Variants in LTBP1 observed in about 807,000 individuals in gnomAD.
LTBP1 encodes the protein latent transforming growth factor beta binding protein 1.
In LTBP1, 129 loss-of-function variants were observed where a neutral mutation model predicts 207.6. The ratio of observed to expected loss-of-function variants is 0.62; its 90% CI spans 0.54 to 0.72. The LOEUF is 0.72. Among genes scored for constraint, LTBP1 ranks in the 30% least tolerant of loss-of-function variants. The probability of loss-of-function intolerance (pLI) is 0.00; values close to 1 mark genes in which losing one functional copy is unlikely to be tolerated. For missense variants in LTBP1, 2,281 were observed against 2,217.2 expected (o/e 1.03, Z -0.58); for synonymous variants, 963 against 833.7 (o/e 1.16, Z -2.67).
intron 7 of LTBP1, among the ~76,000 whole-genome samples, chr2:33,192,559 G>A (rs980345030): frequency 6.6e-6 from 1 of 151,818 alleles, no homozygotes. Flanking sequence ...AAAGTGAGAT[G>A]ATGTTTGTAG....
chr2:33,038,676 G>A (rs548161325), intron 3 of LTBP1, among the ~76,000 whole-genome samples: 1 of 152,148 alleles, frequency 6.6e-6, no homozygotes, highest in African/African-American at 2.4e-5. Context: ...TAAAGAGTTC[G>A]AGTTCTGAGA....
intron 3 of LTBP1, among the ~76,000 whole-genome samples, chr2:33,089,215 A>C (rs1016939836): frequency 3.3e-5 from 5 of 152,042 alleles, no homozygotes; most frequent in Admixed American, 6.5e-5. Flanking sequence ...TGTATGACAA[A>C]GTGGGAAAAG....
At chr2:33,341,012 A>G (rs950022562) in intron 24 of LTBP1, among the ~76,000 whole-genome samples, 7 of 152,246 alleles carry the variant, frequency 4.6e-5, no homozygotes, top group African/African-American at 1.7e-4. Context: ...TTGTTGTCTG[A>G]TTTCATTATT....
intron 24 of LTBP1, among the ~76,000 whole-genome samples, chr2:33,334,934 C>T (rs1037873157): frequency 6.8e-6 from 1 of 147,062 alleles, no homozygotes; most frequent in Admixed American, 6.7e-5. Flanking sequence ...AAAAAAAATG[C>T]CAGGCATGGC....
intron 2 of LTBP1, among the ~76,000 whole-genome samples, chr2:32,989,021 C>G (rs1324427669): frequency 2.6e-5 from 4 of 151,994 alleles, no homozygotes; most frequent in African/African-American, 9.7e-5. Context: ...CATTTTGGAC[C>G]AAGATTCAGA....
At chr2:33,344,375 T>C (rs1470586910) in intron 25 of LTBP1, among the ~76,000 whole-genome samples, 1 of 152,228 alleles carries the variant, frequency 6.6e-6, no homozygotes, top group Non-Finnish European at 1.5e-5. Flanking sequence ...GGTCTTGTGA[T>C]GTGGCCCCTA....
intron 5 of LTBP1, among the ~76,000 whole-genome samples, chr2:33,149,801 C>G (rs1259501250): frequency 6.6e-6 from 1 of 152,182 alleles, no homozygotes; most frequent in Non-Finnish European, 1.5e-5. Flanking sequence ...ACCATTGCTA[C>G]TGTGGATGCT....
intron 3 of LTBP1, among the ~76,000 whole-genome samples, chr2:33,049,956 C>T (rs985577433): frequency 3.9e-5 from 6 of 151,918 alleles, no homozygotes; most frequent in African/African-American, 1.2e-4. Context: ...ATCCTCCCAC[C>T]TCATCCTCCT....
intron 24 of LTBP1, among the ~76,000 whole-genome samples, chr2:33,319,196 G>A (rs1295953354): frequency 2.0e-5 from 3 of 152,080 alleles, no homozygotes; most frequent in Non-Finnish European, 4.4e-5. Flanking sequence ...TCAGGAGTTC[G>A]AGACCAGCCT....
intron 26 of LTBP1, among the ~76,000 whole-genome samples, chr2:33,348,439 C>T (rs1045204331): frequency 1.3e-5 from 2 of 152,096 alleles, no homozygotes; most frequent in African/African-American, 4.8e-5. Context: ...AGAGAAGAGA[C>T]AGGTTATTAC....
intron 32 of LTBP1, among the ~76,000 whole-genome samples, chr2:33,395,907 A>T (rs4468793): frequency 0.78 from 114,850 of 147,906 alleles, 44,256 homozygotes; most frequent in East Asian, 0.87. Context: ...CTAGCCATAT[A>T]TTTTTTTTTT....
At chr2:33,138,834 A>T (rs2082353670) in intron 5 of LTBP1, among the ~76,000 whole-genome samples, 1 of 149,094 alleles carries the variant, frequency 6.7e-6, no homozygotes, top group Admixed American at 6.7e-5. Flanking sequence ...TGGACCATTT[A>T]AAAAGTATGT....
At chr2:33,224,609 C>T (rs771262779) in intron 9 of LTBP1, among the ~76,000 whole-genome samples, 1 of 152,134 alleles carries the variant, frequency 6.6e-6, no homozygotes, top group Non-Finnish European at 1.5e-5. Flanking sequence ...AAATTAATAG[C>T]TATACTATTA....
At position 33,231,707 on chromosome 2, in the gene LTBP1, G is replaced by A. The variant is rs77398136; in HGVS notation, c.1876+9556G>A. ...CCTGCCTGGCTGGAGAAAAGAATGT[G>A]TCTTGTAGCATAGTGCTGGATTAAA... On this transcript the variant is annotated intron_variant, in intron 9 of 33. Coordinates refer to ENST00000404816, the MANE Select transcript of LTBP1 (RefSeq NM_206943.4). 9.9e-5 allele frequency among the ~76,000 whole-genome samples: 15 copies of A among 152,236 alleles called. No homozygotes were observed. In the East Asian group the frequency reaches 2.9e-3, roughly 29 times the overall value.
intron 5 of LTBP1, among the ~76,000 whole-genome samples, chr2:33,183,882 C>T (rs1009932610): frequency 6.6e-6 from 1 of 152,142 alleles, no homozygotes; most frequent in African/African-American, 2.4e-5. Context: ...TTTTCAGACC[C>T]CATCCAGCAT....
At chr2:33,159,196 G>A (rs2084252581) in intron 5 of LTBP1, among the ~76,000 whole-genome samples, 1 of 152,170 alleles carries the variant, frequency 6.6e-6, no homozygotes, top group Admixed American at 6.5e-5. Flanking sequence ...TAAGTGAGCA[G>A]TATACTTGCT....
rs2087528020 is a variant in LTBP1 at position 33,188,972 on chromosome 2, G to A, written c.1701+121G>A. The A allele has an allele frequency of 2.7e-5, 31 of 1,166,654 alleles. No individual in the cohort carries two copies. In the South Asian group the frequency reaches 4.4e-4, roughly 17 times the overall value. 72.3% of individuals were successfully genotyped at this position (1,166,654 alleles called of 1,614,324 possible). On this transcript the variant is annotated intron_variant, in intron 7 of 33. Transcript: ENST00000404816. ...AAAAGGCTTTGACAAACTATGACTT[G>A]TGGCCATATTTTTGTAAATAAAGTT...
At chr2:33,356,378 GC>G (rs1294997216) in intron 26 of LTBP1, among the ~76,000 whole-genome samples, 1 of 152,146 alleles carries the variant, frequency 6.6e-6, no homozygotes, top group African/African-American at 2.4e-5. Context: ...TAAGTTTCAA[GC>G]TTTAAGATCA....
chr2:32,999,964 T>C (rs1260646939), intron 2 of LTBP1, among the ~76,000 whole-genome samples: 1 of 134,688 alleles, frequency 7.4e-6, no homozygotes, highest in Non-Finnish European at 1.6e-5. Context: ...TCACACCTGA[T>C]GTATGTAAGA....
Sources: allele counts gnomAD v4.1 joint callset (sites outside exome capture counted in the v4.1 genomes callset), GRCh38; gene constraint gnomAD v4.1.1; transcripts MANE v1.5; gene names NCBI Gene and HGNC (gene_info 2026-07-23, HGNC 2026-07-21).